Variants in TRAF3 observed in about 807,000 individuals in gnomAD.
TRAF3 encodes the protein TNF receptor-associated factor 3.
In TRAF3, 13 loss-of-function variants were observed where a neutral mutation model predicts 62.3. The observed-to-expected ratio is 0.21, with a 90% confidence interval of 0.14 to 0.33. The LOEUF is 0.33. Among genes scored for constraint, TRAF3 ranks in the 10% least tolerant of loss-of-function variants. TRAF3 has a pLI of 1.00. For synonymous variants in TRAF3, 269 were observed against 283.4 expected (o/e 0.95, Z 0.51); for missense variants, 440 against 741.8 (o/e 0.59, Z 4.73).
At chr14:102,852,085 GA>G (rs1260265222) in intron 2 of TRAF3, among the ~76,000 whole-genome samples, 4 of 152,022 alleles carry the variant, frequency 2.6e-5, no homozygotes, top group Admixed American at 2.6e-4. Context: ...AGAAAAAAAA[GA>G]AAAGAAATTA....
At chr14:102,781,695 C>T (rs1227770368) in intron 1 of TRAF3, among the ~76,000 whole-genome samples, 3 of 151,778 alleles carry the variant, frequency 2.0e-5, no homozygotes, top group East Asian at 3.9e-4. Flanking sequence ...GGCCCGATCT[C>T]GGCTTGCTGC....
At chr14:102,828,067 C>A (rs998599163) in intron 1 of TRAF3, among the ~76,000 whole-genome samples, 1 of 152,252 alleles carries the variant, frequency 6.6e-6, no homozygotes, top group African/African-American at 2.4e-5. Flanking sequence ...CCACCCCGCA[C>A]GGCCAGTTGT....
intron 1 of TRAF3, among the ~76,000 whole-genome samples, 171 bp downstream of exon 1, chr14:102,777,846 C>T (rs1434195654): frequency 2.7e-5 from 4 of 146,814 alleles, no homozygotes; most frequent in African/African-American, 9.8e-5. Context: ...CGGGGCGCGG[C>T]TTCAGCCTGG....
At chr14:102,842,450 G>A (rs1566768913) in intron 2 of TRAF3, among the ~76,000 whole-genome samples, 1 of 151,934 alleles carries the variant, frequency 6.6e-6, no homozygotes, top group Non-Finnish European at 1.5e-5. Context: ...GCACAGCACA[G>A]AGAATCCAGA....
At chr14:102,779,539 C>A (rs921999192) in intron 1 of TRAF3, among the ~76,000 whole-genome samples, 1 of 152,104 alleles carries the variant, frequency 6.6e-6, no homozygotes, top group Non-Finnish European at 1.5e-5. Context: ...GCCTGCGTTG[C>A]GGATTCTGAT....
chr14:102,853,396 A>G (rs564691852), intron 2 of TRAF3, among the ~76,000 whole-genome samples: 8 of 152,110 alleles, frequency 5.3e-5, no homozygotes, highest in African/African-American at 1.9e-4. Flanking sequence ...GCTGTGCGGG[A>G]TTCAGGAATC....
intron 1 of TRAF3, among the ~76,000 whole-genome samples, chr14:102,829,772 G>A (rs145599966): frequency 6.6e-6 from 1 of 152,282 alleles, no homozygotes; most frequent in Non-Finnish European, 1.5e-5. Flanking sequence ...TCAAGCTTGT[G>A]AAAATGATAA....
At chr14:102,782,099 A>T (rs1331609845) in intron 1 of TRAF3, among the ~76,000 whole-genome samples, 1 of 149,646 alleles carries the variant, frequency 6.7e-6, no homozygotes, top group Non-Finnish European at 1.5e-5. Context: ...CAGCCTTCCC[A>T]GCTGATTTTT....
At chr14:102,879,196 T>A (rs1888896540) in intron 6 of TRAF3, among the ~76,000 whole-genome samples, 1 of 152,024 alleles carries the variant, frequency 6.6e-6, no homozygotes, top group African/African-American at 2.4e-5. Context: ...GGCTTGGCCA[T>A]GAAGTGACTG....
intron 4 of TRAF3, among the ~76,000 whole-genome samples, chr14:102,872,387 C>T (rs1888389655): frequency 6.6e-6 from 1 of 152,358 alleles, no homozygotes; most frequent in East Asian, 1.9e-4. Flanking sequence ...TACCTTCAGA[C>T]TCGCTAGGCT....
At chr14:102,876,554 C>A (rs1326759859) in intron 6 of TRAF3, 29 bp downstream of exon 6, 11 of 1,609,600 alleles carry the variant, frequency 6.8e-6, no homozygotes, top group African/African-American at 1.3e-5. Context: ...CACAGGCCTT[C>A]CACTCAATTC....
intron 2 of TRAF3, among the ~76,000 whole-genome samples, chr14:102,848,586 A>T (rs952719998): frequency 2.0e-5 from 3 of 152,202 alleles, no homozygotes; most frequent in African/African-American, 7.2e-5. Context: ...TATAATCATG[A>T]TCTCATAATA....
chr14:102,880,636 C>T (rs1888995855), intron 6 of TRAF3, among the ~76,000 whole-genome samples: 1 of 152,110 alleles, frequency 6.6e-6, no homozygotes, highest in African/African-American at 2.4e-5. Flanking sequence ...ATAAATCATT[C>T]TATTATAAGG....
intron 6 of TRAF3, among the ~76,000 whole-genome samples, chr14:102,884,244 C>T (rs139965171): frequency 1.5e-3 from 231 of 152,324 alleles, no homozygotes; most frequent in African/African-American, 4.7e-3. Context: ...TCCATGTTCA[C>T]GTGGCCGTCT....
intron 1 of TRAF3, among the ~76,000 whole-genome samples, chr14:102,798,627 G>A (rs1231398159): frequency 6.6e-6 from 1 of 152,140 alleles, no homozygotes; most frequent in African/African-American, 2.4e-5. Context: ...GCGACAGAGC[G>A]AGACCCTGTC....
At chr14:102,829,250 G>C (rs80008851) in intron 1 of TRAF3, among the ~76,000 whole-genome samples, 1 of 152,204 alleles carries the variant, frequency 6.6e-6, no homozygotes, top group African/African-American at 2.4e-5. Context: ...TTGTGAATGG[G>C]TTCTGAACCT....
At chr14:102,899,349 C>G (rs1434838853) in intron 10 of TRAF3, among the ~76,000 whole-genome samples, 1 of 152,098 alleles carries the variant, frequency 6.6e-6, no homozygotes, top group Admixed American at 6.5e-5. Context: ...TGCTGCAGGC[C>G]CCGCCTACCC....
intron 1 of TRAF3, among the ~76,000 whole-genome samples, chr14:102,820,934 T>C (rs1899949552): frequency 6.6e-6 from 1 of 151,936 alleles, no homozygotes; most frequent in Non-Finnish European, 1.5e-5. Context: ...CACACCCTCC[T>C]GGTACCTGCA....
chr14:102,820,591 TATATATATATATATATATATATA>T (rs1298572371), intron 1 of TRAF3, among the ~76,000 whole-genome samples: 52 of 7,000 alleles, frequency 7.4e-3, no homozygotes, highest in African/African-American at 0.032. Flanking sequence ...TATATATATA[TATATATATATATATATATATATA>T]TTTTTTTTTT....
Sources: allele counts gnomAD v4.1 joint callset (sites outside exome capture counted in the v4.1 genomes callset), GRCh38; gene constraint gnomAD v4.1.1; transcripts MANE v1.5; gene names NCBI Gene and HGNC (gene_info 2026-07-23, HGNC 2026-07-21).